Variants in CADM2 observed in about 807,000 individuals in gnomAD.
CADM2 encodes immunoglobulin superfamily member 4D.
CADM2 carries 12 observed loss-of-function variants against 49.8 expected under a neutral mutation model. The ratio of observed to expected loss-of-function variants is 0.24; its 90% CI spans 0.15 to 0.39. CADM2 has a LOEUF of 0.39. Among genes scored for constraint, CADM2 ranks in the 10% least tolerant of loss-of-function variants. The pLI is 1.00. For missense variants in CADM2, 378 were observed against 492.3 expected (o/e 0.77, Z 2.20); for synonymous variants, 214 against 175.4 (o/e 1.22, Z -1.74).
intron 1 of CADM2, among the ~76,000 whole-genome samples, chr3:85,132,165 C>A (rs1455189063): frequency 6.6e-6 from 1 of 152,136 alleles, no homozygotes; most frequent in Non-Finnish European, 1.5e-5. Flanking sequence ...GTTGCATTAG[C>A]CTTTTCAGTT....
At chr3:84,992,254 C>A (rs1320496263) in intron 1 of CADM2, among the ~76,000 whole-genome samples, 2 of 152,098 alleles carry the variant, frequency 1.3e-5, no homozygotes, top group African/African-American at 4.8e-5. Context: ...AAAACTACTC[C>A]AAAAACAAAG....
intron 1 of CADM2, among the ~76,000 whole-genome samples, chr3:85,187,946 A>C (rs1404156967): frequency 6.6e-6 from 1 of 152,038 alleles, no homozygotes; most frequent in African/African-American, 2.4e-5. Context: ...CTTATAAGTC[A>C]ATAAAATTAT....
intron 2 of CADM2, among the ~76,000 whole-genome samples, chr3:85,729,904 T>A (rs1009645865): frequency 2.6e-5 from 4 of 152,222 alleles, no homozygotes; most frequent in Admixed American, 2.0e-4. Context: ...TTCATCACCC[T>A]GCTGAATATT....
At chr3:85,956,094 G>A (rs1724018036) in intron 7 of CADM2, among the ~76,000 whole-genome samples, 1 of 151,552 alleles carries the variant, frequency 6.6e-6, no homozygotes, top group African/African-American at 2.4e-5. Flanking sequence ...GTTCTGGATG[G>A]ACTAAGTGTT....
At chr3:85,909,110 A>G (rs1577633412) in intron 5 of CADM2, among the ~76,000 whole-genome samples, 1 of 152,164 alleles carries the variant, frequency 6.6e-6, no homozygotes, top group Non-Finnish European at 1.5e-5. Flanking sequence ...TGCAAAGCAG[A>G]TGACCTCACA....
intron 1 of CADM2, among the ~76,000 whole-genome samples, chr3:85,384,403 C>T (rs925583554): frequency 6.6e-6 from 1 of 151,968 alleles, no homozygotes; most frequent in Non-Finnish European, 1.5e-5. Flanking sequence ...CCTCCACCTG[C>T]GGGGTTCAAG....
chr3:85,643,699 C>T (rs546627576), intron 1 of CADM2, among the ~76,000 whole-genome samples: 1 of 152,170 alleles, frequency 6.6e-6, no homozygotes, highest in South Asian at 2.1e-4. Context: ...CTTTGTGATA[C>T]TATAATGCTA....
chr3:86,061,341 G>A (rs1255645593), intron 8 of CADM2, among the ~76,000 whole-genome samples: 1 of 151,848 alleles, frequency 6.6e-6, no homozygotes, highest in African/African-American at 2.4e-5. Context: ...GTGTAATATT[G>A]GGCATACAGA....
intron 1 of CADM2, among the ~76,000 whole-genome samples, chr3:85,282,074 G>A (rs2043513281): frequency 2.0e-5 from 3 of 151,808 alleles, no homozygotes; most frequent in Admixed American, 2.0e-4. Flanking sequence ...TGAAATATGT[G>A]TGAAATATTA....
intron 1 of CADM2, among the ~76,000 whole-genome samples, chr3:85,228,486 G>T (rs2042210706): frequency 6.6e-6 from 1 of 151,810 alleles, no homozygotes; most frequent in Non-Finnish European, 1.5e-5. Context: ...TTGGTGACCT[G>T]TGGATAGGGA....
chr3:85,272,385 C>A (rs2043262284), intron 1 of CADM2, among the ~76,000 whole-genome samples: 1 of 150,684 alleles, frequency 6.6e-6, no homozygotes, highest in South Asian at 2.1e-4. Context: ...TATTATATGC[C>A]ATTTTAAATC....
chr3:85,424,594 G>A (rs2036316591), intron 1 of CADM2, among the ~76,000 whole-genome samples: 1 of 152,060 alleles, frequency 6.6e-6, no homozygotes, highest in Admixed American at 6.6e-5. Context: ...TGTGTTCATT[G>A]TTCAAGAAGA....
At chr3:85,701,492 C>T (rs548911651) in intron 1 of CADM2, among the ~76,000 whole-genome samples, 16 of 151,450 alleles carry the variant, frequency 1.1e-4, no homozygotes, top group African/African-American at 3.1e-4. Context: ...TTTTTTTTTC[C>T]GGCTCCTTGC....
At chr3:85,093,412 G>C (rs929245725) in intron 1 of CADM2, among the ~76,000 whole-genome samples, 3 of 151,762 alleles carry the variant, frequency 2.0e-5, no homozygotes, top group African/African-American at 7.3e-5. Context: ...TCGGGAGGCT[G>C]AGGCAGGAGA....
At chr3:85,364,252 T>G (rs1452838062) in intron 1 of CADM2, among the ~76,000 whole-genome samples, 1 of 152,332 alleles carries the variant, frequency 6.6e-6, no homozygotes, top group Non-Finnish European at 1.5e-5. Flanking sequence ...TTTATTTCTA[T>G]AGCATGTTTA....
intron 1 of CADM2, among the ~76,000 whole-genome samples, chr3:85,235,245 T>C: frequency 6.6e-6 from 1 of 152,166 alleles, no homozygotes; most frequent in East Asian, 1.9e-4. Flanking sequence ...TATCTCTTGA[T>C]CACAATTATT....
intron 1 of CADM2, among the ~76,000 whole-genome samples, chr3:85,112,628 AT>A (rs1024544065): frequency 1.1e-4 from 16 of 151,948 alleles, no homozygotes; most frequent in African/African-American, 3.9e-4. Flanking sequence ...TATATATAAA[AT>A]ACTTTATTTC....
chr3:85,172,559 CA>C (rs2040656645), intron 1 of CADM2, among the ~76,000 whole-genome samples: 1 of 151,944 alleles, frequency 6.6e-6, no homozygotes, highest in Non-Finnish European at 1.5e-5. Flanking sequence ...ACAATGTGAG[CA>C]AAGGCTTAGA....
intron 1 of CADM2, among the ~76,000 whole-genome samples, chr3:85,055,924 A>G (rs904554879): frequency 6.6e-6 from 1 of 151,882 alleles, no homozygotes; most frequent in African/African-American, 2.4e-5. Context: ...GAGAAGCACC[A>G]CTCTATTTAC....
Sources: gnomAD v4.1 joint callset for allele counts (sites outside exome capture counted in the v4.1 genomes callset) on GRCh38, gnomAD v4.1.1 for gene constraint, MANE v1.5 for transcripts, NCBI Gene and HGNC (gene_info 2026-07-23, HGNC 2026-07-21) for gene names.